Variants in NDUFS8 observed in about 807,000 individuals in gnomAD.
NDUFS8 encodes NADH dehydrogenase [ubiquinone] iron-sulfur protein 8, mitochondrial.
Under a neutral mutation model 25.6 loss-of-function variants are expected in NDUFS8, and 13 were observed. The observed-to-expected ratio is 0.51, with a 90% CI of 0.33 to 0.81. The LOEUF (loss-of-function observed/expected upper bound fraction) is 0.81. Among genes scored for constraint, NDUFS8 ranks in the 30% least tolerant of loss-of-function variants. The probability of loss-of-function intolerance (pLI) is 0.02; values close to 1 mark genes in which losing one functional copy is unlikely to be tolerated. For synonymous variants in NDUFS8, 119 were observed against 119.4 expected (o/e 1.00, Z 0.02); for missense variants, 257 against 300.9 (o/e 0.85, Z 1.08).
intron 1 of NDUFS8, chr11:68,031,020 C>T: frequency 2.8e-6 from 1 of 358,048 alleles, no homozygotes; most frequent in Non-Finnish European, 5.7e-6. Flanking sequence ...AAGGAGTGGG[C>T]CTGTTAGGGG....
In NDUFS8 at chr11:68,033,216, G is replaced by A. The variant is rs121912638; in HGVS notation, c.305G>A (p.Arg102His). The A allele has an allele frequency of 2.3e-5, 37 of 1,611,892 alleles. No individual in the cohort carries two copies. The highest frequency in any genetic ancestry group is 2.8e-5 in the Non-Finnish European group (33 of 1,179,610). ...SPRFRGEHALRRYPSGEERCI... is the reference protein window; with the variant it reads ...SPRFRGEHALHRYPSGEERCI... ...CGCTTCCGTGGGGAGCATGCGCTGC[G>A]CCGGTACCCATCCGGGGAGGAGCGT... Residue 102 changes from arginine (R) to histidine (H), a missense_variant, in exon 5 of 7, where the codon CGC (arginine) becomes CAC (histidine). Arg to His is a conservative substitution (Grantham distance 29, BLOSUM62 0). Transcript: ENST00000313468.
At position 68,033,289 on chromosome 11, in the gene NDUFS8, C is replaced by T. The variant is rs755501062; in HGVS notation, c.372+6C>T. ...AGGCCATCTGCCCCGCCCAGGTGAG[C>T]CCCTGCCCCAACCGGCCACCACGCC... On this transcript the variant is annotated splice_donor_region_variant and intron_variant, in intron 5 of 6. Transcript: ENST00000313468. 9 of 1,600,648 alleles carry T rather than the reference C, an allele frequency of 5.6e-6. No homozygotes were observed. The highest frequency in any genetic ancestry group is 2.7e-5 in the African/African-American group (2 of 74,952).
intron 3 of NDUFS8, 191 bp from the exon 4 acceptor site, chr11:68,032,732 C>G: frequency 1.3e-6 from 1 of 788,880 alleles, no homozygotes; most frequent in South Asian, 1.6e-5. Context: ...GAGAGGTAGG[C>G]ACGGACGGGC....
At position 68,036,244 on chromosome 11, in the gene NDUFS8, C is replaced by T. The variant is rs765564629; in HGVS notation, c.373-9C>T. ...GCAGCGTGGCAGTGTCTGGTGGCCC[C>T]TCCCGCAGGCCATCACCATCGAGGC... On this transcript the variant is annotated splice_polypyrimidine_tract_variant and intron_variant, in intron 5 of 6. Transcript: ENST00000313468. 6.2e-7 allele frequency: 1 copy of T among 1,612,394 alleles called. No individual in the cohort carries two copies. The highest frequency in any genetic ancestry group is 8.5e-7 in the Non-Finnish European group (1 of 1,179,616).
At position 68,036,243 on chromosome 11, in the gene NDUFS8, C is replaced by G; in HGVS notation, c.373-10C>G. The G allele has an allele frequency of 6.2e-7, 1 of 1,612,420 alleles. No individual in the cohort carries two copies. The highest frequency in any genetic ancestry group is 8.5e-7 in the Non-Finnish European group (1 of 1,179,638). Reference sequence around the variant, plus strand: ...GGCAGCGTGGCAGTGTCTGGTGGCCCCTCCCGCAGGCCATCACCATCGAGG... The same window carrying G: ...GGCAGCGTGGCAGTGTCTGGTGGCCGCTCCCGCAGGCCATCACCATCGAGG... On this transcript the variant is annotated splice_polypyrimidine_tract_variant and intron_variant, in intron 5 of 6. Transcript: ENST00000313468.
At position 68,036,554 on chromosome 11, in the gene NDUFS8, G is replaced by A; in HGVS notation, c.594G>A (p.Glu198=). The A allele has an allele frequency of 6.2e-7, 1 of 1,614,064 alleles. No individual in the cohort carries two copies. The highest frequency in any genetic ancestry group is 1.3e-5 in the African/African-American group (1 of 75,034). The change falls in exon 7 of 7, where the codon GAG becomes GAA. Residue 198 remains glutamate (E), a synonymous_variant. Coordinates refer to ENST00000313468, the MANE Select transcript of NDUFS8 (RefSeq NM_002496.4). ...ACAACGGGGACAAGTGGGAGGCCGA[G>A]ATCGCCGCCAACATCCAGGCTGACT... ...LLNNGDKWEA[E]IAANIQADYL...
chr11:68,030,737 G>C lies in NDUFS8; in HGVS notation c.-1+4G>C. 3.0e-6 allele frequency: 1 copy of C among 336,756 alleles called. No homozygotes were observed. The highest frequency in any genetic ancestry group is 5.9e-6 in the Non-Finnish European group (1 of 169,080). 20.9% of individuals were successfully genotyped at this position (336,756 alleles called of 1,614,324 possible). A position where few individuals can be genotyped will look rare whatever the true frequency, so the allele number is the denominator to read the frequency against. On this transcript the variant is annotated splice_donor_region_variant and intron_variant, in intron 1 of 6. Coordinates refer to ENST00000313468, the MANE Select transcript of NDUFS8 (RefSeq NM_002496.4). ...CAAGTAGCGGCGGCGCTTCAAGGTG[G>C]GTGTTCACGTTTTGGCCGTGAAAGT...
At position 68,036,259 on chromosome 11, in the gene NDUFS8, AC is replaced by A. The variant is rs1194789267; in HGVS notation, c.381del (p.Ile128SerfsTer20). On this transcript the variant is annotated frameshift_variant, in exon 6 of 7. Transcript: ENST00000313468. LOFTEE classifies it high-confidence loss of function. ...CTGGTGGCCCCTCCCGCAGGCCATC[AC>A]CATCGAGGCTGAGCCAAGAGCTGAT... ...CEAICPAQAITIEAEPRADGS... is the reference protein window; with the variant it reads ...CEAICPAQAIXIEAEPRADGS... 1.2e-6 allele frequency: 2 copies of A among 1,612,632 alleles called. No homozygotes were observed. The highest frequency in any genetic ancestry group is 1.7e-6 in the Non-Finnish European group (2 of 1,179,760).
In NDUFS8 at chr11:68,032,983, G is replaced by C; in HGVS notation, c.170G>C (p.Arg57Pro). 6.2e-7 allele frequency: 1 copy of C among 1,613,796 alleles called. No individual in the cohort carries two copies. The change falls in exon 4 of 7, where the codon CGC becomes CCC. Residue 57 changes from arginine (R) to proline (P), a missense_variant. Transcript: ENST00000313468. ...DMKSVTDRAA[R>P]TLLWTELFRG... is the part of the protein sequence containing the mutation. ...AAGTCAGTGACTGACCGGGCAGCCC[G>C]CACCCTGCTGTGGACTGAGCTCTTC... is the stretch of plus-strand genomic sequence containing the variant.
chr11:68,034,505 T>C (rs950043624), intron 5 of NDUFS8: 4 of 152,228 alleles, frequency 2.6e-5, no homozygotes, highest in Non-Finnish European at 4.4e-5. Flanking sequence ...GTTTTGGTTT[T>C]CCAGTGCATT....
chr11:68,036,213 G>A, intron 5 of NDUFS8, 40 bp from the exon 6 acceptor site: 1 of 1,611,106 alleles, frequency 6.2e-7, no homozygotes, highest in South Asian at 1.1e-5. Flanking sequence ...GCTGGGATGT[G>A]ACAGGGCAGC....
chr11:68,035,864 C>G (rs948911061), intron 5 of NDUFS8: 7 of 367,972 alleles, frequency 1.9e-5, no homozygotes, highest in East Asian at 1.5e-4. Context: ...CTAAAAAATA[C>G]AAAAATTAGC....
At chr11:68,036,438 C>G in intron 6 of NDUFS8, 24 bp from the exon 7 acceptor site, 7 of 1,613,968 alleles carry the variant, frequency 4.3e-6, no homozygotes, top group African/African-American at 1.3e-5. Flanking sequence ...GGCCTAACCA[C>G]CGTCCCTGCA....
At chr11:68,032,093 T>C (rs533065217) in intron 1 of NDUFS8, 59 bp from the exon 2 acceptor site, 2 of 1,609,980 alleles carry the variant, frequency 1.2e-6, no homozygotes, top group East Asian at 2.2e-5. Flanking sequence ...GCGGTGCCAG[T>C]CTCAGAAGAG....
At chr11:68,033,675 T>G in intron 5 of NDUFS8, 1 of 318,788 alleles carries the variant, frequency 3.1e-6, no homozygotes, top group Non-Finnish European at 6.1e-6. Context: ...GCTGCTCCCC[T>G]GAGGCCCGGC....
In NDUFS8 at chr11:68,030,894, G is replaced by T; in HGVS notation, c.-1+161G>T. On this transcript the variant is annotated intron_variant, in intron 1 of 6. Transcript: ENST00000313468. ...GTCCTTCAGGTGCAGCGGGGAGCCG[G>T]CTCTCAGGGCGCATGCGCCGCCCGC... 9.0e-6 allele frequency: 4 copies of T among 446,254 alleles called. 1 individual carries two copies. The highest frequency in any genetic ancestry group is 6.2e-5 in the South Asian group (4 of 64,034). The allele number at this position is 446,254 out of a possible 1,614,324, so 27.6% of individuals were successfully genotyped here. A position where few individuals can be genotyped will look rare whatever the true frequency, so the allele number is the denominator to read the frequency against.
chr11:68,034,963 AGAGGCT>A (rs1372920906), intron 5 of NDUFS8: 1 of 151,812 alleles, frequency 6.6e-6, no homozygotes, highest in African/African-American at 2.4e-5. Flanking sequence ...CAGCTACTCA[AGAGGCT>A]GAGGCAGGAG....
chr11:68,035,601 G>A (rs773563499), intron 5 of NDUFS8: 6 of 351,038 alleles, frequency 1.7e-5, no homozygotes, highest in South Asian at 3.8e-5. Flanking sequence ...GAGGCGAGGC[G>A]GGACTGTAAC....
Position 68,034,151 on chromosome 11 carries a change from A to G in NDUFS8, c.372+868A>G, listed in dbSNP as rs140551363. 317 of 154,090 alleles carry G rather than the reference A, an allele frequency of 2.1e-3. 1 individual carries two copies. Among genetic ancestry groups the G allele is most frequent in the East Asian group, 0.016 (82 of 5,174 alleles). The allele number at this position is 154,090 out of a possible 1,614,324, so 9.5% of individuals were successfully genotyped here. On this transcript the variant is annotated intron_variant, in intron 5 of 6. Transcript: ENST00000313468. ...CCATCTTTATAAGCACTAAAGGATG[A>G]GCCTGCCAGCCACAGGTCCCACTGT...
Sources: gnomAD v4.1 joint callset for allele counts on GRCh38, gnomAD v4.1.1 for gene constraint, MANE v1.5 for transcripts, NCBI Gene and HGNC (gene_info 2026-07-23, HGNC 2026-07-21) for gene names.